The following CDH18 variants were observed in gnomAD, a reference collection of about 807,000 sequenced individuals.
The protein encoded by CDH18 is cadherin 18, also known as cadherin-18.
CDH18 carries 31 observed loss-of-function variants against 67.9 expected under a neutral mutation model. The ratio of observed to expected loss-of-function variants is 0.46; its 90% CI spans 0.34 to 0.62. The LOEUF (loss-of-function observed/expected upper bound fraction) is 0.62, where lower values mean the gene tolerates loss of function less well. Ranked by LOEUF, CDH18 falls within the 20% of genes least tolerant of loss-of-function variation. The pLI, the probability that CDH18 is intolerant of heterozygous loss-of-function variation, is 0.01. For missense variants in CDH18, 890 were observed against 975.5 expected (o/e 0.91, Z 1.17); for synonymous variants, 362 against 347.2 (o/e 1.04, Z -0.48).
chr5:20,201,400 C>T (rs925184), intron 2 of CDH18, among the ~76,000 whole-genome samples: 6,319 of 152,172 alleles, frequency 0.042, 383 homozygotes, highest in East Asian at 0.28. Context: ...TTTAAGGTAA[C>T]TTTTTGCCAG....
chr5:19,975,092 T>C (rs1798375896), intron 2 of CDH18, among the ~76,000 whole-genome samples: 1 of 152,198 alleles, frequency 6.6e-6, no homozygotes, highest in Admixed American at 6.5e-5. Flanking sequence ...GTTAATCTGG[T>C]TGACTATGCA....
chr5:19,859,543 T>C (rs1378437623), intron 2 of CDH18, among the ~76,000 whole-genome samples: 1 of 152,186 alleles, frequency 6.6e-6, no homozygotes, highest in Non-Finnish European at 1.5e-5. Flanking sequence ...AGCAACTTTT[T>C]AGGTCTGATA....
chr5:19,554,931 C>T (rs534623637), intron 8 of CDH18, among the ~76,000 whole-genome samples: 1 of 152,180 alleles, frequency 6.6e-6, no homozygotes, highest in East Asian at 1.9e-4. Context: ...GTCAAGTTAA[C>T]ACTTTGGAAC....
At chr5:19,772,578 G>A (rs954872032) in intron 3 of CDH18, among the ~76,000 whole-genome samples, 1 of 152,140 alleles carries the variant, frequency 6.6e-6, no homozygotes, top group Non-Finnish European at 1.5e-5. Context: ...TCCAGAAATT[G>A]TGACTTCCAG....
intron 8 of CDH18, among the ~76,000 whole-genome samples, chr5:19,555,435 G>C (rs939477376): frequency 6.6e-6 from 1 of 152,168 alleles, no homozygotes; most frequent in Admixed American, 6.5e-5. Flanking sequence ...TGGGACATGA[G>C]GGGAGTGAGA....
chr5:19,667,253 T>C (rs1758085880), intron 5 of CDH18, among the ~76,000 whole-genome samples: 1 of 151,656 alleles, frequency 6.6e-6, no homozygotes, highest in Admixed American at 6.6e-5. Flanking sequence ...ATATTTTATC[T>C]GTAAAAAACT....
intron 10 of CDH18, among the ~76,000 whole-genome samples, chr5:19,513,795 G>C (rs927241529): frequency 6.6e-6 from 1 of 151,082 alleles, no homozygotes; most frequent in African/African-American, 2.4e-5. Flanking sequence ...ATTTAAGTTT[G>C]TTCTTCTTCA....
At chr5:19,663,016 C>T (rs1387083327) in intron 5 of CDH18, among the ~76,000 whole-genome samples, 2 of 151,906 alleles carry the variant, frequency 1.3e-5, no homozygotes, top group African/African-American at 4.8e-5. Flanking sequence ...GATGAGAAAA[C>T]GTCACATTAA....
chr5:20,136,091 G>A (rs992146166), intron 2 of CDH18, among the ~76,000 whole-genome samples: 1 of 152,182 alleles, frequency 6.6e-6, no homozygotes, highest in African/African-American at 2.4e-5. Context: ...GGAGAGTTCT[G>A]TAGATGTCTA....
intron 2 of CDH18, among the ~76,000 whole-genome samples, chr5:20,023,661 A>G (rs914469493): frequency 8.2e-6 from 1 of 122,180 alleles, no homozygotes; most frequent in African/African-American, 3.5e-5. Flanking sequence ...TCCGTCTCAA[A>G]AAAAAAAAAA....
intron 1 of CDH18, among the ~76,000 whole-genome samples, chr5:20,418,741 T>C (rs962147958): frequency 1.3e-5 from 2 of 152,140 alleles, no homozygotes; most frequent in Non-Finnish European, 2.9e-5. Flanking sequence ...TTTGTAAATA[T>C]GCATATGAAT....
At chr5:19,707,849 C>G (rs554633098) in intron 5 of CDH18, among the ~76,000 whole-genome samples, 3 of 152,314 alleles carry the variant, frequency 2.0e-5, no homozygotes, top group Non-Finnish European at 4.4e-5. Flanking sequence ...AGGTGCTGCA[C>G]AATAATTCCC....
intron 2 of CDH18, among the ~76,000 whole-genome samples, chr5:20,241,905 T>TATATATAA (rs369967608): frequency 5.7e-5 from 8 of 141,438 alleles, no homozygotes; most frequent in African/African-American, 2.0e-4. Context: ...TATATATATA[T>TATATATAA]ATATTGCTTA....
intron 1 of CDH18, among the ~76,000 whole-genome samples, chr5:20,402,714 C>T (rs542857216): frequency 3.9e-5 from 6 of 152,078 alleles, no homozygotes; most frequent in African/African-American, 9.6e-5. Context: ...AGGGCCTTGC[C>T]TTGATGTTGA....
chr5:19,590,484 G>GGATAGATA (rs145201697), intron 7 of CDH18, among the ~76,000 whole-genome samples: 10,161 of 149,620 alleles, frequency 0.068, 487 homozygotes, highest in African/African-American at 0.13. Context: ...CTAGACAGAT[G>GGATAGATA]GATAGATAGA....
intron 1 of CDH18, among the ~76,000 whole-genome samples, chr5:20,539,525 C>A (rs62354270): frequency 0.017 from 2,599 of 151,952 alleles, 35 homozygotes; most frequent in African/African-American, 0.029. Context: ...AGTGAAACAA[C>A]AAGAAATGGG....
chr5:19,744,099 T>A (rs908072776), intron 4 of CDH18, among the ~76,000 whole-genome samples: 1 of 152,154 alleles, frequency 6.6e-6, no homozygotes, highest in Non-Finnish European at 1.5e-5. Context: ...TTTCCTATAG[T>A]AATGAGTGTA....
intron 2 of CDH18, among the ~76,000 whole-genome samples, chr5:19,915,369 G>A (rs1445230545): frequency 6.6e-6 from 1 of 152,102 alleles, no homozygotes; most frequent in South Asian, 2.1e-4. Flanking sequence ...GGGGGTTGAG[G>A]CGCCAACCCC....
At chr5:19,670,427 C>T (rs775274818) in intron 5 of CDH18, among the ~76,000 whole-genome samples, 11 of 151,924 alleles carry the variant, frequency 7.2e-5, no homozygotes, top group Middle Eastern at 3.2e-3. Context: ...TAATGGAAGC[C>T]AAAATTTTGT....
Sources: gnomAD v4.1 joint callset for allele counts (sites outside exome capture counted in the v4.1 genomes callset) on GRCh38, gnomAD v4.1.1 for gene constraint, MANE v1.5 for transcripts, NCBI Gene and HGNC (gene_info 2026-07-23, HGNC 2026-07-21) for gene names.